Variants in NCK2 observed in about 807,000 individuals in gnomAD.
NCK2 encodes the protein NCK adaptor protein 2.
A neutral mutation model predicts 33.9 loss-of-function variants in NCK2; 16 were observed. That is an observed-to-expected ratio of 0.47 (90% CI 0.32 to 0.72). The LOEUF is 0.72. NCK2 is among the 30% of genes least tolerant of loss of function. The probability of loss-of-function intolerance (pLI) is 0.03; values close to 1 mark genes in which losing one functional copy is unlikely to be tolerated. For synonymous variants in NCK2, 273 were observed against 239.9 expected (o/e 1.14, Z -1.27); for missense variants, 418 against 537.3 (o/e 0.78, Z 2.19).
chr2:105,833,555 T>G (rs553770186), intron 2 of NCK2, among the ~76,000 whole-genome samples: 95 of 152,294 alleles, frequency 6.2e-4, no homozygotes, highest in Admixed American at 1.8e-3. Flanking sequence ...CTGATATTAT[T>G]TATTTGATAT....
intron 2 of NCK2, among the ~76,000 whole-genome samples, chr2:105,830,699 GTGTGTGTGTGTGTGTGTT>G (rs1321172590): frequency 2.0e-5 from 3 of 151,322 alleles, no homozygotes; most frequent in Non-Finnish European, 3.0e-5. Context: ...GTGTGTGTGT[GTGTGTGTGTGTGTGTGTT>G]TGGTCTGATA....
intron 1 of NCK2, among the ~76,000 whole-genome samples, chr2:105,754,929 T>C (rs560173877): frequency 2.7e-4 from 41 of 152,232 alleles, no homozygotes; most frequent in Non-Finnish European, 5.1e-4. Context: ...ATTTTTTTTT[T>C]CCAGCCATTT....
chr2:105,845,402 T>C (rs1676818220), intron 2 of NCK2, among the ~76,000 whole-genome samples: 1 of 151,930 alleles, frequency 6.6e-6, no homozygotes, highest in East Asian at 1.9e-4. Flanking sequence ...TTTGAATTTT[T>C]TTTTTTTTTT....
chr2:105,791,307 A>AT (rs965778127), intron 1 of NCK2, among the ~76,000 whole-genome samples: 14 of 152,268 alleles, frequency 9.2e-5, no homozygotes, highest in Admixed American at 9.2e-4. Flanking sequence ...GAAACTGGTC[A>AT]TTTTTTACCT....
At chr2:105,863,126 A>G (rs1187213721) in intron 3 of NCK2, among the ~76,000 whole-genome samples, 2 of 152,192 alleles carry the variant, frequency 1.3e-5, no homozygotes, top group African/African-American at 2.4e-5. Context: ...AGTGAAAACC[A>G]TCTCTGCTTC....
In NCK2 at chr2:105,853,456, G is replaced by A. The variant is rs188439083; in HGVS notation, c.-16-1592G>A. Reference sequence around the variant, plus strand: ...GCACATTTTATAGATTTTAACAAATGTATAATGACAGGTGTCCGCCATTAT... The same window carrying A: ...GCACATTTTATAGATTTTAACAAATATATAATGACAGGTGTCCGCCATTAT... On this transcript the variant is annotated intron_variant, in intron 2 of 4. Coordinates refer to ENST00000233154, the MANE Select transcript of NCK2 (RefSeq NM_003581.5). Among the ~76,000 whole-genome samples, 33 of 152,270 alleles carry A rather than the reference G, an allele frequency of 2.2e-4. 1 individual carries two copies. The East Asian group carries it at 6.4e-3, about 29-fold the overall frequency.
intron 1 of NCK2, among the ~76,000 whole-genome samples, chr2:105,750,346 A>T (rs542150690): frequency 6.6e-6 from 1 of 152,138 alleles, no homozygotes; most frequent in South Asian, 2.1e-4. Flanking sequence ...GACCTTTTTT[A>T]ACCTTAATTG....
intron 1 of NCK2, among the ~76,000 whole-genome samples, chr2:105,746,664 G>A (rs898411715): frequency 3.3e-5 from 5 of 152,220 alleles, no homozygotes; most frequent in Admixed American, 1.3e-4. Context: ...CCTGGAGATT[G>A]GGCTAGACAT....
chr2:105,745,166 G>C (rs1382031382), intron 1 of NCK2, 28 bp downstream of exon 1: 17 of 150,216 alleles, frequency 1.1e-4, no homozygotes, highest in Admixed American at 3.3e-4. Context: ...GGCGTGGGGC[G>C]GGGGCCACAA....
rs571476827 is a variant in NCK2 at position 105,830,155 on chromosome 2, C to T, written c.-17+13542C>T. 3.9e-5 allele frequency among the ~76,000 whole-genome samples: 6 copies of T among 152,240 alleles called. No individual in the cohort carries two copies. The East Asian group carries it at 9.7e-4, about 25-fold the overall frequency. On this transcript the variant is annotated intron_variant, in intron 2 of 4. Coordinates refer to ENST00000233154, the MANE Select transcript of NCK2 (RefSeq NM_003581.5). ...AAAGTCACCCTACAGTGCTATCAAA[C>T]ACTAGAACTTATTCCTCCTATCTAG...
intron 1 of NCK2, among the ~76,000 whole-genome samples, chr2:105,805,895 A>G (rs1675015333): frequency 6.6e-6 from 1 of 152,096 alleles, no homozygotes; most frequent in Non-Finnish European, 1.5e-5. Flanking sequence ...ATTTTGGAAT[A>G]TTTGCATAAA....
At chr2:105,834,072 T>G (rs1220983235) in intron 2 of NCK2, among the ~76,000 whole-genome samples, 2 of 152,264 alleles carry the variant, frequency 1.3e-5, no homozygotes, top group Non-Finnish European at 2.9e-5. Flanking sequence ...CTGTAAATCC[T>G]AGAGAATGTC....
At chr2:105,805,136 G>A (rs1674982745) in intron 1 of NCK2, among the ~76,000 whole-genome samples, 2 of 152,328 alleles carry the variant, frequency 1.3e-5, no homozygotes, top group African/African-American at 4.8e-5. Flanking sequence ...TTATAAAATA[G>A]TGCTTTTTAT....
intron 2 of NCK2, among the ~76,000 whole-genome samples, chr2:105,831,406 A>AT (rs1676179336): frequency 1.7e-5 from 2 of 120,288 alleles, no homozygotes; most frequent in South Asian, 6.4e-4. Flanking sequence ...AATAAGCATG[A>AT]TATCTTTTTT....
rs758499201 is a variant in NCK2 at position 105,881,663 on chromosome 2, C to T, written c.562C>T (p.Leu188=). The T allele has an allele frequency of 1.2e-6, 2 of 1,613,256 alleles. No homozygotes were observed. Among genetic ancestry groups the T allele is most frequent in the Admixed American group, 1.7e-5 (1 of 60,008 alleles). The stretch of plus-strand genomic sequence containing the variant: ...CCTGAGCCTGCGCAAGGGCGCCTCG[C>T]TGAGCAATGGCCAGGGCTCCCGCGT... ...SFLSLRKGAS[L]SNGQGSRVLH... The change falls in exon 4 of 5, where the codon CTG becomes TTG. Residue 188 remains leucine (L), a synonymous_variant. Coordinates refer to ENST00000233154, the MANE Select transcript of NCK2 (RefSeq NM_003581.5).
At chr2:105,786,386 G>A (rs1254462634) in intron 1 of NCK2, among the ~76,000 whole-genome samples, 4 of 152,204 alleles carry the variant, frequency 2.6e-5, no homozygotes, top group Admixed American at 6.5e-5. Context: ...ATGGGAGTTC[G>A]GGAAGGCTGG....
intron 2 of NCK2, among the ~76,000 whole-genome samples, chr2:105,851,041 G>A (rs1677045285): frequency 6.6e-6 from 1 of 152,188 alleles, no homozygotes; most frequent in Non-Finnish European, 1.5e-5. Flanking sequence ...TTGGCAAAGA[G>A]AGAAAAGACC....
chr2:105,843,138 A>G (rs977202950), intron 2 of NCK2, among the ~76,000 whole-genome samples: 2 of 152,124 alleles, frequency 1.3e-5, no homozygotes, highest in Non-Finnish European at 2.9e-5. Context: ...ACATATACAT[A>G]AATGAGATAT....
At chr2:105,886,697 AAAG>A (rs1453156388) in intron 4 of NCK2, among the ~76,000 whole-genome samples, 1 of 152,224 alleles carries the variant, frequency 6.6e-6, no homozygotes, top group Non-Finnish European at 1.5e-5. Context: ...ATGGAAAGAC[AAAG>A]AATAACAAGG....
Sources: allele counts gnomAD v4.1 joint callset (sites outside exome capture counted in the v4.1 genomes callset), GRCh38; gene constraint gnomAD v4.1.1; transcripts MANE v1.5; gene names NCBI Gene and HGNC (gene_info 2026-07-23, HGNC 2026-07-21).